Variants in NRG1 observed in about 807,000 individuals in gnomAD.
The protein encoded by NRG1 is neuregulin 1, also known as pro-neuregulin-1, membrane-bound isoform.
In NRG1, 18 loss-of-function variants were observed where a neutral mutation model predicts 63.8. The ratio of observed to expected loss-of-function variants is 0.28; its 90% CI spans 0.19 to 0.42. The LOEUF is 0.42. NRG1 is among the 10% of genes least tolerant of loss of function. The probability of loss-of-function intolerance (pLI) is 1.00; values close to 1 mark genes in which losing one functional copy is unlikely to be tolerated. For missense variants in NRG1, 762 were observed against 814.7 expected, an observed-to-expected ratio of 0.94 and a Z score of 0.79; for synonymous variants, 302 against 301.3, an observed-to-expected ratio of 1.00 and a Z score of -0.02.
chr8:32,569,054 G>GT (rs1838021540), intron 1 of NRG1, among the ~76,000 whole-genome samples: 1 of 151,732 alleles, frequency 6.6e-6, no homozygotes, highest in African/African-American at 2.4e-5. Flanking sequence ...TTGTTGTTTT[G>GT]TTTTTTGTTT....
At chr8:31,756,790 G>A (rs1364302769) in intron 1 of NRG1, among the ~76,000 whole-genome samples, 1 of 152,154 alleles carries the variant, frequency 6.6e-6, no homozygotes, top group Non-Finnish European at 1.5e-5. Context: ...GTTTCTGAAG[G>A]AAGAAGGGTC....
intron 1 of NRG1, among the ~76,000 whole-genome samples, chr8:31,682,749 G>A (rs1349080859): frequency 1.3e-5 from 2 of 151,982 alleles, no homozygotes; most frequent in South Asian, 2.1e-4. Flanking sequence ...TCTCACAAAC[G>A]TTATATGGAA....
At chr8:31,840,196 A>G (rs935731072) in intron 1 of NRG1, among the ~76,000 whole-genome samples, 3 of 152,152 alleles carry the variant, frequency 2.0e-5, no homozygotes, top group Non-Finnish European at 2.9e-5. Flanking sequence ...CCAATTTGTG[A>G]CGGTCCTGTT....
At chr8:31,747,310 C>CA (rs1563355108) in intron 1 of NRG1, among the ~76,000 whole-genome samples, 1 of 151,786 alleles carries the variant, frequency 6.6e-6, no homozygotes, top group Non-Finnish European at 1.5e-5. Context: ...TGTGTATCCA[C>CA]AAAAAAAGTG....
Position 31,850,551 on chromosome 8 carries a change from A to G in NRG1, c.37+211120A>G, listed in dbSNP as rs868392551. Among the ~76,000 whole-genome samples the G allele has an allele frequency of 5.5e-4, 84 of 152,228 alleles. 1 individual carries two copies. Among genetic ancestry groups the G allele is most frequent in the African/African-American group, 1.8e-3 (74 of 41,550 alleles). On this transcript the variant is annotated intron_variant, in intron 1 of 10. Transcript: ENST00000519301. The stretch of plus-strand genomic sequence containing the variant: ...TGTCTCTGTTCAGCCTTATTTATCC[A>G]CAGTTTTTCCTCCTGCTGATCCCTT...
chr8:32,731,836 A>G lies in NRG1; in HGVS notation c.632+3758A>G, dbSNP rs1453764069. On this transcript the variant is annotated intron_variant, in intron 6 of 11. Transcript: ENST00000356819. The stretch of plus-strand genomic sequence containing the variant: ...CCAGTTCATAGTTTCCATATGGTCT[A>G]TCTGTCTAGAGCTAAGCATTGCTGA... Among the ~76,000 whole-genome samples the G allele has an allele frequency of 6.6e-5, 10 of 152,286 alleles. No homozygotes were observed. In the East Asian group the frequency reaches 7.7e-4, roughly 12 times the overall value.
At chr8:32,698,022 A>T (rs926465721) in intron 5 of NRG1, among the ~76,000 whole-genome samples, 2 of 152,136 alleles carry the variant, frequency 1.3e-5, no homozygotes, top group African/African-American at 2.4e-5. Context: ...CCTGGCCAAC[A>T]TGGTGAAATC....
chr8:31,800,533 A>G (rs1315060887), intron 1 of NRG1, among the ~76,000 whole-genome samples: 1 of 152,220 alleles, frequency 6.6e-6, no homozygotes, highest in African/African-American at 2.4e-5. Flanking sequence ...AATGAGATAA[A>G]TATTCTAATT....
chr8:32,664,586 A>T (rs1803671894), intron 5 of NRG1, among the ~76,000 whole-genome samples: 1 of 152,168 alleles, frequency 6.6e-6, no homozygotes, highest in Non-Finnish European at 1.5e-5. Flanking sequence ...ACACAAAAAA[A>T]ACATTGTTCC....
intron 5 of NRG1, among the ~76,000 whole-genome samples, chr8:32,679,460 A>G (rs1057095285): frequency 6.6e-6 from 1 of 152,186 alleles, no homozygotes; most frequent in African/African-American, 2.4e-5. Context: ...GCATCATAAT[A>G]TAGTTATCTT....
At chr8:32,099,744 C>A (rs1830331728) in intron 1 of NRG1, 1 of 152,218 alleles carries the variant, frequency 6.6e-6, no homozygotes, top group Admixed American at 6.5e-5. Flanking sequence ...GAAATGATGA[C>A]AAGGTTTGCT....
At chr8:32,140,115 G>T (rs1190569384) in intron 1 of NRG1, among the ~76,000 whole-genome samples, 2 of 152,092 alleles carry the variant, frequency 1.3e-5, no homozygotes, top group African/African-American at 4.8e-5. Flanking sequence ...CCTCACTCTA[G>T]AAAGGAATTG....
chr8:31,832,156 C>G (rs78928474), intron 1 of NRG1, among the ~76,000 whole-genome samples: 2 of 151,736 alleles, frequency 1.3e-5, no homozygotes, highest in East Asian at 3.9e-4. Flanking sequence ...TCCAACTGTA[C>G]TTAGGGACTA....
intron 1 of NRG1, among the ~76,000 whole-genome samples, chr8:31,969,794 A>T (rs1031961994): frequency 6.6e-6 from 1 of 152,096 alleles, no homozygotes; most frequent in East Asian, 1.9e-4. Flanking sequence ...CTCCTTTAGG[A>T]TGTCTCTCTT....
chr8:32,601,317 A>G (rs1844311630), intron 2 of NRG1, among the ~76,000 whole-genome samples: 1 of 152,186 alleles, frequency 6.6e-6, no homozygotes, highest in Non-Finnish European at 1.5e-5. Flanking sequence ...GTTGTAAAAA[A>G]TAGTTGAAAC....
intron 1 of NRG1, chr8:32,098,626 G>A (rs1387059980): frequency 6.6e-6 from 1 of 152,170 alleles, no homozygotes; most frequent in African/African-American, 2.4e-5. Flanking sequence ...ATGTTTCACA[G>A]AGGGTTCTAT....
intron 5 of NRG1, among the ~76,000 whole-genome samples, chr8:32,675,407 G>A (rs749280311): frequency 2.0e-5 from 3 of 152,060 alleles, no homozygotes; most frequent in Non-Finnish European, 4.4e-5. Flanking sequence ...ATGTTCTTTG[G>A]CTTAGTTCAA....
At chr8:32,284,489 G>GCGTGCCTGCCTGCCTGCCTGCCTT (rs1554497406) in intron 1 of NRG1, among the ~76,000 whole-genome samples, 14 of 132,614 alleles carry the variant, frequency 1.1e-4, no homozygotes, top group East Asian at 4.5e-4. Context: ...CTGCCTGCCT[G>GCGTGCCTGCCTGCCTGCCTGCCTT]CCTTCCTTCC....
At chr8:32,100,116 C>G (rs1220175485) in intron 1 of NRG1, among the ~76,000 whole-genome samples, 7 of 152,018 alleles carry the variant, frequency 4.6e-5, no homozygotes. Flanking sequence ...CCCCTTCCCC[C>G]TCTTTTCCTC....
Sources: gnomAD v4.1 joint callset for allele counts (sites outside exome capture counted in the v4.1 genomes callset) on GRCh38, gnomAD v4.1.1 for gene constraint, MANE v1.5 for transcripts, NCBI Gene and HGNC (gene_info 2026-07-23, HGNC 2026-07-21) for gene names.